The following MYOM1 variants were observed in gnomAD, a reference collection of about 807,000 sequenced individuals.
MYOM1 encodes myomesin-1.
MYOM1 carries 164 observed loss-of-function variants against 205.3 expected under a neutral mutation model. The ratio of observed to expected loss-of-function variants is 0.80; its 90% CI spans 0.70 to 0.91. The LOEUF (loss-of-function observed/expected upper bound fraction) is 0.91. MYOM1 is among the 40% of genes least tolerant of loss of function. The probability of loss-of-function intolerance (pLI) is 0.00; values close to 1 mark genes in which losing one functional copy is unlikely to be tolerated. For missense variants in MYOM1, 2,011 were observed against 2,127.3 expected (o/e 0.95, Z 1.08); for synonymous variants, 772 against 789.4 (o/e 0.98, Z 0.37).
rs530180731 is a variant in MYOM1, at chr18:3,152,144, T to G, written c.1644-251A>C. ...TAAAAAGCAGGCATCTGAGGGGCCT[T>G]GTGTAGAAAGCAGAGGGGTTTGGGG... On this transcript the variant is annotated intron_variant, in intron 11 of 37. Transcript: ENST00000356443. The surrounding 1 kb of genome is among the most constrained non-coding windows in gnomAD (Gnocchi z 4.3). Among the ~76,000 whole-genome samples, 1 of 152,206 alleles carries G rather than the reference T, an allele frequency of 6.6e-6. No individual in the cohort carries two copies. The highest frequency in any genetic ancestry group is 1.5e-5 in the Non-Finnish European group (1 of 68,004).
the MYOM1 span, among the ~76,000 whole-genome samples, chr18:3,234,279 C>G: frequency 1.3e-5 from 2 of 152,078 alleles, no homozygotes; most frequent in African/African-American, 4.8e-5. Flanking sequence ...TGTTTACAAG[C>G]CAGTTTGGGA....
rs1398506180 is a variant in MYOM1 at position 3,202,085 on chromosome 18, G to T, written c.291-8127C>A. Among the ~76,000 whole-genome samples, 3 of 152,276 alleles carry T rather than the reference G, an allele frequency of 2.0e-5. 1 individual carries two copies. In the South Asian group the frequency reaches 6.2e-4, roughly 32 times the overall value. On this transcript the variant is annotated intron_variant, in intron 2 of 37. Transcript: ENST00000356443. ...GGAAATGAAGCTATATTAGAGGAAA[G>T]TTTCTATGTTTACTGGTATTCAGTG...
intron 5 of MYOM1, among the ~76,000 whole-genome samples, chr18:3,183,068 T>C (rs1455836512): frequency 6.6e-6 from 1 of 152,130 alleles, no homozygotes; most frequent in Non-Finnish European, 1.5e-5. Flanking sequence ...TAGCTGGGAT[T>C]ACAGGCATGC....
chr18:3,233,612 C>T, the MYOM1 span, among the ~76,000 whole-genome samples: 1 of 152,162 alleles, frequency 6.6e-6, no homozygotes, highest in African/African-American at 2.4e-5. Flanking sequence ...AGCTTTAATG[C>T]TTTACTGAAT....
chr18:3,100,295 G>A (rs1162798048), intron 24 of MYOM1, 25 bp downstream of exon 24: 2 of 1,611,016 alleles, frequency 1.2e-6, no homozygotes, highest in South Asian at 1.1e-5. Context: ...CATTCGATGT[G>A]TGAATGCACT....
intron 2 of MYOM1, among the ~76,000 whole-genome samples, chr18:3,211,204 G>A (rs1166956557): frequency 6.6e-6 from 1 of 152,166 alleles, no homozygotes; most frequent in Non-Finnish European, 1.5e-5. Flanking sequence ...TTACTTGCAA[G>A]AATGGAAGGT....
rs187505084 is a variant in MYOM1, at chr18:3,166,193, C to T, written c.1340-1754G>A. ...ATCTCTTGGTCCTGTAAAATGGCACCATTCACAGGCCCAAAAAGTCAGCTC... is the reference window on the plus strand; with the variant it reads ...ATCTCTTGGTCCTGTAAAATGGCACTATTCACAGGCCCAAAAAGTCAGCTC... On this transcript the variant is annotated intron_variant, in intron 9 of 37. Coordinates refer to ENST00000356443, the MANE Select transcript of MYOM1 (RefSeq NM_003803.4). Among the ~76,000 whole-genome samples, 514 of 151,844 alleles carry T rather than the reference C, an allele frequency of 3.4e-3. 4 individuals are homozygous for T. The highest frequency in any genetic ancestry group is 0.012 in the African/African-American group (489 of 41,464).
In MYOM1 at chr18:3,186,953, G is replaced by A. The variant is rs537915683; in HGVS notation, c.929+527C>T. On this transcript the variant is annotated intron_variant, in intron 5 of 37. Coordinates refer to ENST00000356443, the MANE Select transcript of MYOM1 (RefSeq NM_003803.4). ...AAAAGAAAGAAAAAAGGAAAAGAGAGAAAGAAAGAAAAAGAAAAGAAAGAA... is the reference window on the plus strand; with the variant it reads ...AAAAGAAAGAAAAAAGGAAAAGAGAAAAAGAAAGAAAAAGAAAAGAAAGAA... 1.0e-4 allele frequency among the ~76,000 whole-genome samples: 15 copies of A among 150,186 alleles called. No homozygotes were observed. The East Asian group carries it at 1.6e-3, about 16-fold the overall frequency.
chr18:3,095,689 C>A (rs1673723067), intron 25 of MYOM1, among the ~76,000 whole-genome samples: 1 of 152,162 alleles, frequency 6.6e-6, no homozygotes. Flanking sequence ...GGTCTCTTTA[C>A]AAAATCTCAA....
At chr18:3,132,392 C>T (rs2143894938) in intron 16 of MYOM1, among the ~76,000 whole-genome samples, 1 of 151,982 alleles carries the variant, frequency 6.6e-6, no homozygotes. Flanking sequence ...CCTCGTGATC[C>T]ACCCACCTCG....
At chr18:3,103,472 T>C (rs144551778) in intron 22 of MYOM1, among the ~76,000 whole-genome samples, 1 of 152,328 alleles carries the variant, frequency 6.6e-6, no homozygotes, top group East Asian at 1.9e-4. Context: ...TTGTACAGCA[T>C]ATGAAACATT....
In MYOM1 at chr18:3,214,974, G is replaced by T. The variant is rs772612963; in HGVS notation, c.250C>A (p.Arg84=). The change falls in exon 2 of 38, where the codon CGG becomes AGG. Residue 84 remains arginine (R), a synonymous_variant. Coordinates refer to ENST00000356443, the MANE Select transcript of MYOM1 (RefSeq NM_003803.4). ...TAATCGTAGGCTGAGGCTGCCTTCC[G>T]ACTGACTTCAGAGCTCAGGGCGTGC... ...SQHALSSEVS[R]KAASAYDYGS... The T allele has an allele frequency of 8.1e-6, 13 of 1,609,024 alleles. 1 individual carries two copies. The Middle Eastern group carries it at 5.2e-4, about 65-fold the overall frequency.
rs11664065 is a variant in MYOM1 at position 3,189,171 on chromosome 18, T to C, written c.432-84A>G. On this transcript the variant is annotated intron_variant, in intron 3 of 37. Transcript: ENST00000356443. This position sits in a 1 kb window ranked among gnomAD's most constrained non-coding sequence, Gnocchi z 4.8. ...ATTTTACTAAGTTCAAAGTACCACATCTCAGACACTGTATCCTGCACCAAA... is the reference window on the plus strand; with the variant it reads ...ATTTTACTAAGTTCAAAGTACCACACCTCAGACACTGTATCCTGCACCAAA... The C allele has an allele frequency of 0.063, 80,074 of 1,280,344 alleles. 3,346 individuals are homozygous for C. The highest frequency in any genetic ancestry group is 0.19 in the African/African-American group (12,893 of 68,072). The allele number at this position is 1,280,344 out of a possible 1,614,324, so 79.3% of individuals were successfully genotyped here. A position where few individuals can be genotyped will look rare whatever the true frequency, so the allele number is the denominator to read the frequency against.
chr18:3,164,478 T>C, intron 9 of MYOM1, 39 bp from the exon 10 acceptor site: 1 of 1,533,124 alleles, frequency 6.5e-7, no homozygotes, highest in Non-Finnish European at 8.8e-7. Flanking sequence ...AACTTATTTT[T>C]GTTTTATAAC....
Position 3,174,078 on chromosome 18 carries a change from A to C in MYOM1, c.1111+42T>G, listed in dbSNP as rs565110763. The stretch of plus-strand genomic sequence containing the variant: ...AAAACCATGGGAAGAAATTTTTAAA[A>C]ACACACACACACTTTGAAGAAAACA... On this transcript the variant is annotated intron_variant, in intron 7 of 37. Coordinates refer to ENST00000356443, the MANE Select transcript of MYOM1 (RefSeq NM_003803.4). 7.9e-5 allele frequency: 126 copies of C among 1,601,938 alleles called. 1 individual carries two copies. The highest frequency in any genetic ancestry group is 9.9e-5 in the Non-Finnish European group (116 of 1,171,768).
intron 17 of MYOM1, 27 bp from the exon 18 acceptor site, chr18:3,129,546 C>A: frequency 6.3e-7 from 1 of 1,589,022 alleles, no homozygotes; most frequent in Non-Finnish European, 8.6e-7. Flanking sequence ...ACAACAGAAA[C>A]GCATTGAGCC....
intron 33 of MYOM1, among the ~76,000 whole-genome samples, chr18:3,081,450 A>G (rs1301594687): frequency 1.3e-5 from 2 of 152,214 alleles, no homozygotes; most frequent in African/African-American, 4.8e-5. Flanking sequence ...TCATAGGTAC[A>G]CGGAAACACA....
At chr18:3,083,637 G>T (rs2079115151) in intron 33 of MYOM1, among the ~76,000 whole-genome samples, 152 bp downstream of exon 33, 1 of 136,708 alleles carries the variant, frequency 7.3e-6, no homozygotes, top group African/African-American at 2.7e-5. Flanking sequence ...GTATAGACAG[G>T]GTTTCACCAT....
At chr18:3,159,516 C>G (rs954463495) in intron 10 of MYOM1, among the ~76,000 whole-genome samples, 3 of 151,984 alleles carry the variant, frequency 2.0e-5, no homozygotes, top group South Asian at 4.2e-4. Flanking sequence ...AGGTAGATAC[C>G]CAAGAGAAAT....
Sources: gnomAD v4.1 joint callset for allele counts (sites outside exome capture counted in the v4.1 genomes callset) on GRCh38, gnomAD v4.1.1 for gene constraint, Gnocchi (gnomAD v3.1) non-coding constraint, MANE v1.5 for transcripts, NCBI Gene and HGNC (gene_info 2026-07-23, HGNC 2026-07-21) for gene names.